C16orf78: variants seen among roughly 807,000 people sequenced by gnomAD.
The protein encoded by C16orf78 is uncharacterized protein C16orf78.
A neutral mutation model predicts 27.3 loss-of-function variants in C16orf78; 19 were observed. The ratio of observed to expected loss-of-function variants is 0.70; its 90% CI spans 0.49 to 1.02. The LOEUF (loss-of-function observed/expected upper bound fraction) is 1.02. Ranked by LOEUF, C16orf78 falls within the 50% of genes least tolerant of loss-of-function variation. The probability of loss-of-function intolerance (pLI) is 0.00; values close to 1 mark genes in which losing one functional copy is unlikely to be tolerated. For synonymous variants in C16orf78, 130 were observed against 116.1 expected (o/e 1.12, Z -0.77); for missense variants, 339 against 337.0 (o/e 1.01, Z -0.05).
At chr16:49,397,560 G>C (rs1210775588) in intron 4 of C16orf78, among the ~76,000 whole-genome samples, 5 of 152,192 alleles carry the variant, frequency 3.3e-5, no homozygotes. Flanking sequence ...CTGGTTCCAT[G>C]GGTGGATGAC....
intron 3 of C16orf78, among the ~76,000 whole-genome samples, chr16:49,388,579 A>G (rs776999656): frequency 1.3e-5 from 2 of 152,220 alleles, no homozygotes; most frequent in South Asian, 2.1e-4. Context: ...TGGCAGGATC[A>G]TGGCTCACTA....
Position 49,377,857 on chromosome 16 carries a change from C to T in C16orf78, c.270+7C>T. 2 of 1,564,704 alleles carry T rather than the reference C, an allele frequency of 1.3e-6. No individual in the cohort carries two copies. The highest frequency in any genetic ancestry group is 1.7e-6 in the Non-Finnish European group (2 of 1,153,836). On this transcript the variant is annotated splice_region_variant and intron_variant, in intron 2 of 4. Coordinates refer to ENST00000299191, the MANE Select transcript of C16orf78 (RefSeq NM_144602.4). ...CACGGAGACTTCCCAGCAGGTAATGCAGCCCCTCTTCCCCCACTCACCCCC... is the reference window on the plus strand; with the variant it reads ...CACGGAGACTTCCCAGCAGGTAATGTAGCCCCTCTTCCCCCACTCACCCCC...
intron 1 of C16orf78, among the ~76,000 whole-genome samples, chr16:49,375,700 A>G (rs79598578): frequency 0.011 from 1,684 of 152,260 alleles, 40 homozygotes; most frequent in African/African-American, 0.039. Context: ...TATAGTCAGA[A>G]AGATCTCGAG....
In C16orf78 at chr16:49,395,449, A is replaced by T. The variant is rs182561708; in HGVS notation, c.395-974A>T. On this transcript the variant is annotated intron_variant, in intron 3 of 4. Transcript: ENST00000299191. ...GTAAACTTTCTTAAAACATCATGAG[A>T]TTTTTTTTTGCGATTTTTTTTTTCT... Among the ~76,000 whole-genome samples the T allele has an allele frequency of 7.6e-4, 104 of 137,084 alleles. 2 individuals carry two copies. Among genetic ancestry groups the T allele is most frequent in the African/African-American group, 3.3e-3 (99 of 30,078 alleles). The allele number at this position is 137,084 out of a possible 152,430, so 89.9% of individuals were successfully genotyped here.
intron 2 of C16orf78, 56 bp downstream of exon 2, chr16:49,377,906 G>A: frequency 6.5e-7 from 1 of 1,541,136 alleles, no homozygotes; most frequent in Non-Finnish European, 8.8e-7. Context: ...ATGGAGGAGG[G>A]GTCCCTGCTT....
chr16:49,385,051 C>G (rs1251648438), intron 3 of C16orf78, among the ~76,000 whole-genome samples: 1 of 152,016 alleles, frequency 6.6e-6, no homozygotes, highest in African/African-American at 2.4e-5. Context: ...GTTCCTCAAG[C>G]TGAAATAAAA....
chr16:49,377,676 G>A (rs1313868743), intron 1 of C16orf78, 55 bp from the exon 2 acceptor site: 43 of 1,572,244 alleles, frequency 2.7e-5, no homozygotes, highest in Non-Finnish European at 3.4e-5. Context: ...GGGAAAGGGA[G>A]GGGATGCTGT....
chr16:49,392,716 T>G (rs192868644), intron 3 of C16orf78, among the ~76,000 whole-genome samples: 65 of 152,318 alleles, frequency 4.3e-4, no homozygotes, highest in Non-Finnish European at 7.9e-4. Flanking sequence ...TTTTAGGTTC[T>G]AGGAGTACAT....
rs145444097 is a variant in C16orf78, at chr16:49,378,509, C to A, written c.310C>A (p.Arg104=). ...ATTCAGGAAGGACGCCGCCTCCTACCGAAGCCTCTATGGAGTGGAGCAAAA... is the reference window on the plus strand; with the variant it reads ...ATTCAGGAAGGACGCCGCCTCCTACAGAAGCCTCTATGGAGTGGAGCAAAA... ...KRFRKDAASY[R]SLYGVEQKGK... The change falls in exon 3 of 5, where the codon CGA becomes AGA. Residue 104 remains arginine (R), a synonymous_variant. Transcript: ENST00000299191. 6.2e-7 allele frequency: 1 copy of A among 1,607,484 alleles called. No homozygotes were observed. The highest frequency in any genetic ancestry group is 8.5e-7 in the Non-Finnish European group (1 of 1,176,810).
intron 1 of C16orf78, among the ~76,000 whole-genome samples, chr16:49,375,148 A>G (rs1254161641): frequency 6.6e-6 from 1 of 152,172 alleles, no homozygotes; most frequent in African/African-American, 2.4e-5. Context: ...CACAGAAGTA[A>G]TAAAGGGCAG....
At chr16:49,397,918 AC>A (rs1174210334) in intron 4 of C16orf78, among the ~76,000 whole-genome samples, 1 of 152,108 alleles carries the variant, frequency 6.6e-6, no homozygotes, top group Non-Finnish European at 1.5e-5. Context: ...GGCATGCACC[AC>A]CACACCCAGC....
intron 3 of C16orf78, among the ~76,000 whole-genome samples, chr16:49,382,385 G>A (rs1197421423): frequency 6.6e-6 from 1 of 151,654 alleles, no homozygotes; most frequent in Non-Finnish European, 1.5e-5. Flanking sequence ...TGCACAATGT[G>A]CACATGTACC....
intron 3 of C16orf78, among the ~76,000 whole-genome samples, chr16:49,395,923 G>T (rs919285679): frequency 6.6e-6 from 1 of 151,798 alleles, no homozygotes; most frequent in Admixed American, 6.6e-5. Flanking sequence ...AAAGGAGGGA[G>T]GGGTAAAAGG....
intron 3 of C16orf78, among the ~76,000 whole-genome samples, chr16:49,396,032 C>T (rs1024658115): frequency 6.6e-6 from 1 of 152,114 alleles, no homozygotes; most frequent in Non-Finnish European, 1.5e-5. Flanking sequence ...CATTTGAGCC[C>T]AGGAGTTCAA....
In C16orf78 at chr16:49,394,952, T is replaced by C. The variant is rs369930515; in HGVS notation, c.395-1471T>C. The stretch of plus-strand genomic sequence containing the variant: ...GTGTGATCATAGCTCACCGCAGCCT[T>C]GACCTCCTGGGCTCGAGCAATCCTC... On this transcript the variant is annotated intron_variant, in intron 3 of 4. Coordinates refer to ENST00000299191, the MANE Select transcript of C16orf78 (RefSeq NM_144602.4). Among the ~76,000 whole-genome samples, 26 of 152,214 alleles carry C rather than the reference T, an allele frequency of 1.7e-4. No individual in the cohort carries two copies. In the East Asian group the frequency reaches 2.3e-3, roughly 14 times the overall value.
At position 49,382,818 on chromosome 16, in the gene C16orf78, G is replaced by A. The variant is rs117376603; in HGVS notation, c.394+4225G>A. The stretch of plus-strand genomic sequence containing the variant: ...TCTTTCCTCTTCTCTTTCCTCCCTC[G>A]TCTTCCTTCTCCACCTAACACTTTC... On this transcript the variant is annotated intron_variant, in intron 3 of 4. Transcript: ENST00000299191. Among the ~76,000 whole-genome samples the A allele has an allele frequency of 8.6e-4, 131 of 151,928 alleles. 2 individuals are homozygous for A. The East Asian group carries it at 0.024, about 27-fold the overall frequency.
At chr16:49,398,997 A>G in intron 4 of C16orf78, 134 bp from the exon 5 acceptor site, 1 of 955,850 alleles carries the variant, frequency 1.0e-6, no homozygotes, top group Non-Finnish European at 1.6e-6. Flanking sequence ...TATCAGCTCC[A>G]TGGATGACTG....
intron 3 of C16orf78, among the ~76,000 whole-genome samples, chr16:49,390,314 T>C (rs895102227): frequency 3.3e-5 from 5 of 152,198 alleles, no homozygotes; most frequent in Admixed American, 6.5e-5. Flanking sequence ...TGTTCACAAA[T>C]TTATTTCATT....
At chr16:49,377,877 A>AG in intron 2 of C16orf78, 27 bp downstream of exon 2, 1 of 1,552,742 alleles carries the variant, frequency 6.4e-7, no homozygotes, top group Non-Finnish European at 8.7e-7. Flanking sequence ...TCCCCCACTC[A>AG]CCCCCACTGG....
Sources: allele counts gnomAD v4.1 joint callset (sites outside exome capture counted in the v4.1 genomes callset), GRCh38; gene constraint gnomAD v4.1.1; transcripts MANE v1.5; gene names NCBI Gene and HGNC (gene_info 2026-07-23, HGNC 2026-07-21).